The following IGF2R variants were observed in gnomAD, a reference collection of about 807,000 sequenced individuals.
IGF2R encodes cation-independent mannose-6-phosphate receptor.
A neutral mutation model predicts 270.6 loss-of-function variants in IGF2R; 91 were observed. That is an observed-to-expected ratio of 0.34 (90% CI 0.28 to 0.40). The LOEUF is 0.40. Ranked by LOEUF, IGF2R falls within the 10% of genes least tolerant of loss-of-function variation. The pLI is 1.00. For missense variants in IGF2R, 2,805 were observed against 3,188.3 expected, an observed-to-expected ratio of 0.88 and a Z score of 2.90; for synonymous variants, 1,316 against 1,258.9, an observed-to-expected ratio of 1.05 and a Z score of -0.96.
intron 10 of IGF2R, among the ~76,000 whole-genome samples, chr6:160,040,230 G>T (rs1777914328): frequency 6.6e-6 from 1 of 152,164 alleles, no homozygotes; most frequent in African/African-American, 2.4e-5. Flanking sequence ...GCTGACCACA[G>T]CCCGGGAGCA....
intron 4 of IGF2R, among the ~76,000 whole-genome samples, chr6:160,012,025 T>C (rs1485553051): frequency 6.6e-6 from 1 of 152,134 alleles, no homozygotes; most frequent in Non-Finnish European, 1.5e-5. Flanking sequence ...TCAGATTAAA[T>C]TATGAACAAT....
intron 2 of IGF2R, chr6:160,006,645 G>T (rs1784243644): frequency 6.6e-6 from 1 of 152,222 alleles, no homozygotes; most frequent in African/African-American, 2.4e-5. Context: ...TGCTGTGGGG[G>T]CGCGCTGACT....
At position 160,040,743 on chromosome 6, in the gene IGF2R, T is replaced by C. The variant is rs1583274731; in HGVS notation, c.1480+19T>C. The stretch of plus-strand genomic sequence containing the variant: ...CATGCAGGTACTGCCCTCCTTGCCA[T>C]GCGGGTCTTAGTCCACATGCTCATG... On this transcript the variant is annotated intron_variant, in intron 11 of 47. Transcript: ENST00000356956. 1.2e-6 allele frequency: 2 copies of C among 1,604,806 alleles called. No individual in the cohort carries two copies. The highest frequency in any genetic ancestry group is 2.2e-5 in the East Asian group (1 of 44,680).
At position 160,084,690 on chromosome 6, in the gene IGF2R, C is replaced by G. The variant is rs1050063572; in HGVS notation, c.6069-305C>G. ...GTGAGGTGGGAAACTTGCCGAGATT[C>G]TAGCCACTGCCTCTCCCAGCCCCGG... On this transcript the variant is annotated intron_variant, in intron 40 of 47. Coordinates refer to ENST00000356956, the MANE Select transcript of IGF2R (RefSeq NM_000876.4). This position sits in a 1 kb window ranked among gnomAD's most constrained non-coding sequence, Gnocchi z 4.6. Among the ~76,000 whole-genome samples, 1 of 152,182 alleles carries G rather than the reference C, an allele frequency of 6.6e-6. No homozygotes were observed. Among genetic ancestry groups the G allele is most frequent in the African/African-American group, 2.4e-5 (1 of 41,442 alleles).
At chr6:160,059,163 C>T (rs1583284520) in intron 22 of IGF2R, 65 bp downstream of exon 22, 2 of 1,373,198 alleles carry the variant, frequency 1.5e-6, no homozygotes, top group Non-Finnish European at 2.0e-6. Context: ...GCTGGCCATG[C>T]ACCTTCCTGA....
intron 44 of IGF2R, chr6:160,095,161 A>C (rs1320909936): frequency 6.6e-6 from 1 of 152,114 alleles, no homozygotes; most frequent in African/African-American, 2.4e-5. Context: ...TGCAGTGTTG[A>C]CTATTCAAAA....
At chr6:159,983,519 G>A (rs1299913778) in intron 1 of IGF2R, among the ~76,000 whole-genome samples, 2 of 152,170 alleles carry the variant, frequency 1.3e-5, no homozygotes, top group African/African-American at 4.8e-5. Flanking sequence ...GAAAGATTCC[G>A]ACTGTGTGCT....
At chr6:160,082,632 T>C (rs1779010300) in intron 39 of IGF2R, among the ~76,000 whole-genome samples, 1 of 151,900 alleles carries the variant, frequency 6.6e-6, no homozygotes, top group African/African-American at 2.4e-5. Flanking sequence ...TTCGTGATCA[T>C]TAGTAGATTG....
In IGF2R at chr6:160,045,874, C is replaced by A; in HGVS notation, c.1895C>A (p.Ser632Tyr). The change falls in exon 14 of 48, where the codon TCC (serine) becomes TAC (tyrosine). Residue 632 changes from serine (S) to tyrosine (Y), a missense_variant. Ser to Tyr is a moderately radical substitution (Grantham distance 144). Coordinates refer to ENST00000356956, the MANE Select transcript of IGF2R (RefSeq NM_000876.4). ...TEGENCTVFD[S>Y]QAGFSFDLSP... is the part of the protein sequence containing the mutation. ...GGGGAGAACTGCACGGTCTTTGACT[C>A]CCAGGCAGGTCTGTGTCCAAGCAGG... 1 of 1,563,510 alleles carries A rather than the reference C, an allele frequency of 6.4e-7. No homozygotes were observed. The highest frequency in any genetic ancestry group is 1.2e-5 in the South Asian group (1 of 83,062).
rs912649053 is a variant in IGF2R, at chr6:160,068,572, G to C, written c.4252+187G>C. Among the ~76,000 whole-genome samples, 6 of 152,176 alleles carry C rather than the reference G, an allele frequency of 3.9e-5. No homozygotes were observed. In the East Asian group the frequency reaches 1.2e-3, roughly 29 times the overall value. On this transcript the variant is annotated intron_variant, in intron 30 of 47. Transcript: ENST00000356956. ...GTATCACAGGCCAGCACTGGTGAGA[G>C]AGGTCCTCCTCGTGGGGTGGTGGTT...
At position 160,061,828 on chromosome 6, in the gene IGF2R, C is replaced by T; in HGVS notation, c.3482C>T (p.Ala1161Val). Residue 1161 changes from alanine (A) to valine (V), a missense_variant, in exon 25 of 48, where the codon GCC (alanine) becomes GTC (valine). Ala to Val is a moderately conservative substitution (Grantham distance 64). Around this residue, in one of 2 missense-constraint regions of IGF2R, gnomAD observed 1,851 missense variants for 2,207.2 expected, o/e 0.84. Coordinates refer to ENST00000356956, the MANE Select transcript of IGF2R (RefSeq NM_000876.4). ...NLGVVQMSPQ[A>V]AANGSLSIMY... The stretch of plus-strand genomic sequence containing the variant: ...GGTGTGGTGCAGATGAGTCCCCAAG[C>T]CGCGGCGAATGGATCTTTGAGCATC... The T allele has an allele frequency of 6.2e-7, 1 of 1,614,156 alleles. No individual in the cohort carries two copies. The highest frequency in any genetic ancestry group is 8.5e-7 in the Non-Finnish European group (1 of 1,180,036).
At chr6:159,972,827 A>G (rs376015466) in intron 1 of IGF2R, among the ~76,000 whole-genome samples, 3 of 152,258 alleles carry the variant, frequency 2.0e-5, no homozygotes, top group South Asian at 2.1e-4. Flanking sequence ...AACAGCAGGC[A>G]CGACAAAGGC....
At chr6:160,015,171 T>C (rs3798187) in intron 4 of IGF2R, among the ~76,000 whole-genome samples, 19,689 of 152,290 alleles carry the variant, frequency 0.13, 1,378 homozygotes, top group South Asian at 0.27. Flanking sequence ...ATTAAGCAGT[T>C]AACTTTTGTA....
chr6:160,068,103 TGTGTGA>T, intron 29 of IGF2R, 140 bp from the exon 30 acceptor site: 1 of 637,066 alleles, frequency 1.6e-6, no homozygotes, highest in Non-Finnish European at 2.7e-6. Context: ...TGTGTGTGTG[TGTGTGA>T]CAGAGACAGA....
chr6:160,015,791 C>T (rs551056177), intron 4 of IGF2R, among the ~76,000 whole-genome samples: 1 of 152,242 alleles, frequency 6.6e-6, no homozygotes, highest in East Asian at 1.9e-4. Flanking sequence ...CATGGGGGTC[C>T]CTCATGAATG....
intron 41 of IGF2R, among the ~76,000 whole-genome samples, chr6:160,087,156 G>A (rs1779113277): frequency 6.6e-6 from 1 of 152,198 alleles, no homozygotes; most frequent in Admixed American, 6.5e-5. Context: ...ACTTTTAAAA[G>A]CAGACAGTGC....
At chr6:160,090,322 G>A (rs1130861) in intron 44 of IGF2R, 51,677 of 356,232 alleles carry the variant, frequency 0.15, 4,056 homozygotes, top group Middle Eastern at 0.24. Flanking sequence ...TAGTTATCAA[G>A]TAAATGTACA....
intron 1 of IGF2R, among the ~76,000 whole-genome samples, chr6:159,987,915 G>A (rs1350209435): frequency 6.6e-6 from 1 of 152,124 alleles, no homozygotes; most frequent in African/African-American, 2.4e-5. Flanking sequence ...GCTGCCTTGT[G>A]CTGAGTGGTT....
chr6:160,063,562 G>T lies in IGF2R; in HGVS notation c.3818G>T (p.Ser1273Ile). 1.2e-6 allele frequency: 2 copies of T among 1,614,272 alleles called. No homozygotes were observed. The highest frequency in any genetic ancestry group is 1.7e-6 in the Non-Finnish European group (2 of 1,180,052). Reference sequence around the variant, plus strand: ...CTTTCCTCAGACGTCTGCCCCACAAGTGACAAGTCCAAGGTGGTCTCCTCA... The same window carrying T: ...CTTTCCTCAGACGTCTGCCCCACAATTGACAAGTCCAAGGTGGTCTCCTCA... ...GKLSSDVCPTSDKSKVVSSCQ... is the reference protein window; with the variant it reads ...GKLSSDVCPTIDKSKVVSSCQ... Residue 1273 changes from serine to isoleucine, a missense_variant, in exon 27 of 48, where the codon AGT becomes ATT. By Grantham distance (142) the Ser-to-Ile change is moderately radical (BLOSUM62 -2). Coordinates refer to ENST00000356956, the MANE Select transcript of IGF2R (RefSeq NM_000876.4).
Sources: allele counts gnomAD v4.1 joint callset (sites outside exome capture counted in the v4.1 genomes callset), GRCh38; gene constraint gnomAD v4.1.1; regional missense constraint gnomAD v4.1.1; non-coding constraint Gnocchi (gnomAD v3.1); transcripts MANE v1.5; gene names NCBI Gene and HGNC (gene_info 2026-07-23, HGNC 2026-07-21).